HOMER1: variants seen among roughly 807,000 people sequenced by gnomAD.
The protein encoded by HOMER1 is homer protein homolog 1.
Under a neutral mutation model 48.9 loss-of-function variants are expected in HOMER1, and 3 were observed. The observed-to-expected ratio is 0.06, with a 90% confidence interval of 0.03 to 0.16. The LOEUF (loss-of-function observed/expected upper bound fraction) is 0.16, where lower values mean the gene tolerates loss of function less well. Among genes scored for constraint, HOMER1 ranks in the 10% least tolerant of loss-of-function variants. The pLI, the probability that HOMER1 is intolerant of heterozygous loss-of-function variation, is 1.00. For missense variants in HOMER1, 247 were observed against 411.4 expected (o/e 0.60, Z 3.46); for synonymous variants, 134 against 146.4 (o/e 0.92, Z 0.61).
chr5:79,377,596 T>A (rs1580408205), intron 8 of HOMER1, among the ~76,000 whole-genome samples: 1 of 152,214 alleles, frequency 6.6e-6, no homozygotes, highest in African/African-American at 2.4e-5. Flanking sequence ...GAAAATGAGA[T>A]GTTTCAAAAT....
chr5:79,488,508 G>A (rs1580022476), intron 1 of HOMER1, among the ~76,000 whole-genome samples: 2 of 152,280 alleles, frequency 1.3e-5, no homozygotes, highest in East Asian at 3.9e-4. Context: ...TGGTAAACCA[G>A]TTCTTAAGAG....
chr5:79,500,589 T>C (rs141209284), intron 1 of HOMER1, among the ~76,000 whole-genome samples: 170 of 152,216 alleles, frequency 1.1e-3, no homozygotes, highest in African/African-American at 3.9e-3. Context: ...TGAAGACCTT[T>C]AAGATGATTC....
In HOMER1 at chr5:79,392,688, T is replaced by C. The variant is rs141113137; in HGVS notation, c.876+4135A>G. On this transcript the variant is annotated intron_variant, in intron 8 of 8. Coordinates refer to ENST00000334082, the MANE Select transcript of HOMER1 (RefSeq NM_004272.5). ...GCAGTGTTGATAAAGTCTACAGCAG[T>C]GTATGGTAATATCTTAGGTCTTCAA... 3.4e-4 allele frequency among the ~76,000 whole-genome samples: 52 copies of C among 152,302 alleles called. 2 individuals carry two copies. Among genetic ancestry groups the C allele is most frequent in the African/African-American group, 1.2e-3 (50 of 41,562 alleles).
chr5:79,409,558 T>C (rs1217470481), intron 5 of HOMER1, among the ~76,000 whole-genome samples: 3 of 151,880 alleles, frequency 2.0e-5, no homozygotes, highest in African/African-American at 7.3e-5. Flanking sequence ...ATGAAAAACT[T>C]CCATGTGCCA....
At chr5:79,498,887 G>A (rs1476431641) in intron 1 of HOMER1, among the ~76,000 whole-genome samples, 4 of 148,986 alleles carry the variant, frequency 2.7e-5, no homozygotes, top group African/African-American at 7.5e-5. Context: ...AGGCTGGAGT[G>A]CAAAGTGGCA....
At chr5:79,506,963 C>T (rs1752789854) in intron 1 of HOMER1, among the ~76,000 whole-genome samples, 2 of 151,870 alleles carry the variant, frequency 1.3e-5, no homozygotes, top group African/African-American at 2.4e-5. Context: ...CCTGTAATCC[C>T]AGCACTTTGG....
intron 1 of HOMER1, among the ~76,000 whole-genome samples, chr5:79,512,434 T>C (rs1752968822): frequency 6.6e-6 from 1 of 152,216 alleles, no homozygotes; most frequent in African/African-American, 2.4e-5. Context: ...CTTTGAAAGA[T>C]AACCGTCAGC....
chr5:79,437,506 C>CT (rs1203451902), intron 5 of HOMER1, among the ~76,000 whole-genome samples: 1 of 152,150 alleles, frequency 6.6e-6, no homozygotes, highest in Non-Finnish European at 1.5e-5. Context: ...GTTCAGTCAT[C>CT]TTTATCACTA....
At chr5:79,497,107 T>C (rs948858047) in intron 1 of HOMER1, among the ~76,000 whole-genome samples, 23 of 147,346 alleles carry the variant, frequency 1.6e-4, no homozygotes, top group Non-Finnish European at 3.0e-5. Flanking sequence ...AAGAAACATG[T>C]AGGCTTCAAC....
chr5:79,380,656 G>A (rs1033306323), intron 8 of HOMER1, among the ~76,000 whole-genome samples: 1 of 152,154 alleles, frequency 6.6e-6, no homozygotes, highest in Non-Finnish European at 1.5e-5. Flanking sequence ...TACCATCAGG[G>A]GGCCTGAAAA....
chr5:79,462,632 T>C (rs1416569759), intron 1 of HOMER1, among the ~76,000 whole-genome samples: 2 of 152,114 alleles, frequency 1.3e-5, no homozygotes, highest in Non-Finnish European at 2.9e-5. Context: ...ACGAGGATCA[T>C]AAAAAAACTA....
intron 6 of HOMER1, 22 bp downstream of exon 6, chr5:79,401,877 T>G (rs202102495): frequency 1.2e-6 from 2 of 1,612,330 alleles, no homozygotes; most frequent in African/African-American, 1.3e-5. Flanking sequence ...TAAATCCCTA[T>G]AGACATCAGC....
At chr5:79,396,414 C>T (rs1303157933) in intron 8 of HOMER1, among the ~76,000 whole-genome samples, 1 of 151,130 alleles carries the variant, frequency 6.6e-6, no homozygotes, top group Non-Finnish European at 1.5e-5. Flanking sequence ...AGACAGGATC[C>T]CACTCTGTTC....
rs115444557 is a variant in HOMER1 at position 79,487,296 on chromosome 5, G to A, written c.5+25474C>T. Among the ~76,000 whole-genome samples the A allele has an allele frequency of 3.2e-3, 486 of 152,028 alleles. 3 individuals carry two copies. The highest frequency in any genetic ancestry group is 0.011 in the African/African-American group (465 of 41,480). ...CCATCTCAAAAAAGAAAGAAAGAAG[G>A]AAAGAATACGTTTCATAATGGCTGG... On this transcript the variant is annotated intron_variant, in intron 1 of 8. Coordinates refer to ENST00000334082, the MANE Select transcript of HOMER1 (RefSeq NM_004272.5).
At chr5:79,508,724 CA>C (rs1032640399) in intron 1 of HOMER1, among the ~76,000 whole-genome samples, 1 of 152,190 alleles carries the variant, frequency 6.6e-6, no homozygotes, top group Non-Finnish European at 1.5e-5. Context: ...ATCCTTCCCT[CA>C]GCAGCTAATG....
At chr5:79,417,940 C>T (rs1374554279) in intron 5 of HOMER1, among the ~76,000 whole-genome samples, 2 of 152,160 alleles carry the variant, frequency 1.3e-5, no homozygotes, top group African/African-American at 4.8e-5. Flanking sequence ...GATAATTTTA[C>T]AGTAAAATCT....
At chr5:79,440,592 T>A (rs1750711870) in intron 4 of HOMER1, among the ~76,000 whole-genome samples, 1 of 152,152 alleles carries the variant, frequency 6.6e-6, no homozygotes, top group African/African-American at 2.4e-5. Flanking sequence ...TGTGACAATA[T>A]AAAAATGTTT....
At position 79,376,188 on chromosome 5, in the gene HOMER1, T is replaced by C. The variant is rs1748768227; in HGVS notation, c.886A>G (p.Ile296Val). ...TGTCCCTCCAGGTCTTTGTTCCGAA[T>C]TTCTACTTCCTTCAGAAACAAAAGT... ...SLTQKLQEVE[I>V]RNKDLEGQLS... Residue 296 changes from isoleucine (I) to valine (V), a missense_variant, in exon 9 of 9, where the codon ATT becomes GTT. This residue lies in a region of HOMER1 where 113 missense variants were observed against 152.5 expected (regional missense o/e 0.74). Transcript: ENST00000334082. 1.2e-6 allele frequency: 2 copies of C among 1,610,438 alleles called. No homozygotes were observed. Among genetic ancestry groups the C allele is most frequent in the Admixed American group, 1.7e-5 (1 of 59,350 alleles).
At chr5:79,382,256 A>G (rs1749001463) in intron 8 of HOMER1, among the ~76,000 whole-genome samples, 1 of 152,228 alleles carries the variant, frequency 6.6e-6, no homozygotes, top group Non-Finnish European at 1.5e-5. Context: ...ATGAAATACC[A>G]GATGAAAACA....
Sources: gnomAD v4.1 joint callset for allele counts (sites outside exome capture counted in the v4.1 genomes callset) on GRCh38, gnomAD v4.1.1 for gene constraint, gnomAD v4.1.1 regional missense constraint, MANE v1.5 for transcripts, NCBI Gene and HGNC (gene_info 2026-07-23, HGNC 2026-07-21) for gene names.